Variants in PLD5 observed in about 807,000 individuals in gnomAD.
PLD5 encodes the protein phospholipase D family member 5.
Under a neutral mutation model 61.1 loss-of-function variants are expected in PLD5, and 36 were observed. The observed-to-expected ratio is 0.59, with a 90% CI of 0.45 to 0.78. The LOEUF is 0.78. PLD5 is among the 30% of genes least tolerant of loss of function. The pLI, the probability that PLD5 is intolerant of heterozygous loss-of-function variation, is 0.00. For synonymous variants in PLD5, 243 were observed against 242.8 expected, an observed-to-expected ratio of 1.00 and a Z score of -0.01; for missense variants, 515 against 644.4, an observed-to-expected ratio of 0.80 and a Z score of 2.17.
chr1:242,298,279 T>G (rs1275790597), intron 2 of PLD5, among the ~76,000 whole-genome samples: 2 of 152,232 alleles, frequency 1.3e-5, no homozygotes, highest in East Asian at 3.9e-4. Context: ...AACTATGGTT[T>G]GTTTTCGGAG....
intron 5 of PLD5, among the ~76,000 whole-genome samples, chr1:242,158,678 G>T (rs979160286): frequency 2.0e-5 from 3 of 152,098 alleles, no homozygotes; most frequent in Admixed American, 6.6e-5. Flanking sequence ...AGATGAAACA[G>T]GTAACTCAGT....
chr1:242,105,502 G>T (rs1660983241), intron 8 of PLD5, among the ~76,000 whole-genome samples: 1 of 152,210 alleles, frequency 6.6e-6, no homozygotes, highest in African/African-American at 2.4e-5. Flanking sequence ...GGGATTATAG[G>T]CGTGAGCCAC....
intron 1 of PLD5, among the ~76,000 whole-genome samples, chr1:242,352,271 G>A (rs1398244369): frequency 6.6e-6 from 1 of 152,114 alleles, no homozygotes; most frequent in Admixed American, 6.5e-5. Flanking sequence ...AACTGCAATT[G>A]TTTTATATTC....
Position 242,089,551 on chromosome 1 carries a change from G to A in PLD5, c.*303C>T. On this transcript the variant is annotated 3_prime_UTR_variant, in exon 10 of 10. Coordinates refer to ENST00000536534, the MANE Select transcript of PLD5 (RefSeq NM_001372062.1). ...TAACAACTGACCGGGTAGGTCAGCA[G>A]AAAAAGTTCTAAAACTAGAAAGGAG... 1.9e-6 allele frequency: 1 copy of A among 518,302 alleles called. No individual in the cohort carries two copies. Among genetic ancestry groups the A allele is most frequent in the Non-Finnish European group, 3.4e-6 (1 of 298,368 alleles). 32.1% of individuals were successfully genotyped at this position (518,302 alleles called of 1,614,324 possible). A position where few individuals can be genotyped will look rare whatever the true frequency, so the allele number is the denominator to read the frequency against.
Position 242,389,729 on chromosome 1 carries a change from C to T in PLD5, c.190-41487G>A, listed in dbSNP as rs565109208. Among the ~76,000 whole-genome samples, 21 of 152,170 alleles carry T rather than the reference C, an allele frequency of 1.4e-4. No homozygotes were observed. The South Asian group carries it at 4.4e-3, about 32-fold the overall frequency. On this transcript the variant is annotated intron_variant, in intron 1 of 9. Transcript: ENST00000536534. ...TTCATCCACTCCAGCAGCCTCTCTACAGTGACCAGACTTAGGATTCATGAG... is the reference window on the plus strand; with the variant it reads ...TTCATCCACTCCAGCAGCCTCTCTATAGTGACCAGACTTAGGATTCATGAG...
Position 242,247,706 on chromosome 1 carries a change from C to T in PLD5, c.607+17631G>A, listed in dbSNP as rs138115495. ...GGGTCCCCTTGGCTAAGAGGGGCTC[C>T]GTTCAGCAGGCTGGGGGGCTTGGGA... On this transcript the variant is annotated intron_variant, in intron 4 of 9. Coordinates refer to ENST00000536534, the MANE Select transcript of PLD5 (RefSeq NM_001372062.1). Among the ~76,000 whole-genome samples the T allele has an allele frequency of 1.7e-3, 257 of 152,290 alleles. 2 individuals carry two copies. Among genetic ancestry groups the T allele is most frequent in the Middle Eastern group, 0.01 (3 of 294 alleles).
intron 4 of PLD5, among the ~76,000 whole-genome samples, chr1:242,258,644 C>A (rs1036277561): frequency 2.0e-5 from 3 of 152,162 alleles, no homozygotes; most frequent in African/African-American, 7.2e-5. Context: ...ATTCAGTCAA[C>A]AAACCATTTA....
At chr1:242,218,317 C>A (rs1332848204) in intron 5 of PLD5, among the ~76,000 whole-genome samples, 2 of 152,202 alleles carry the variant, frequency 1.3e-5, no homozygotes, top group East Asian at 3.8e-4. Context: ...TGCTACTGCA[C>A]ACTTAGACTA....
intron 1 of PLD5, among the ~76,000 whole-genome samples, chr1:242,424,546 GAAA>G (rs11285496): frequency 1.4e-5 from 2 of 141,756 alleles, no homozygotes; most frequent in East Asian, 4.1e-4. Context: ...CTCCCTCATA[GAAA>G]AAAAAAAAAT....
At chr1:242,339,069 T>C (rs1383299707) in intron 2 of PLD5, among the ~76,000 whole-genome samples, 1 of 152,216 alleles carries the variant, frequency 6.6e-6, no homozygotes, top group East Asian at 1.9e-4. Flanking sequence ...TAAACTATTG[T>C]ATCTTCTCTC....
chr1:242,292,482 C>T (rs1202638362), intron 2 of PLD5, among the ~76,000 whole-genome samples: 6 of 152,302 alleles, frequency 3.9e-5, no homozygotes, highest in African/African-American at 7.2e-5. Context: ...TCGCCTTCTT[C>T]GTACTGTCCC....
chr1:242,154,770 C>T (rs1665221122), intron 5 of PLD5, among the ~76,000 whole-genome samples: 1 of 151,952 alleles, frequency 6.6e-6, no homozygotes, highest in Admixed American at 6.6e-5. Context: ...GGATTTTCAC[C>T]TCGATGTTCA....
At chr1:242,100,984 A>G (rs979456100) in intron 8 of PLD5, among the ~76,000 whole-genome samples, 1 of 152,228 alleles carries the variant, frequency 6.6e-6, no homozygotes, top group Middle Eastern at 3.2e-3. Flanking sequence ...AGCGTGCTCA[A>G]CTAGGTATAT....
intron 1 of PLD5, among the ~76,000 whole-genome samples, chr1:242,370,532 T>C (rs903778701): frequency 2.0e-5 from 3 of 152,148 alleles, no homozygotes; most frequent in African/African-American, 7.2e-5. Context: ...ATGGCTGTGT[T>C]TGTGACCCAT....
At chr1:242,457,696 T>C (rs1448274248) in intron 1 of PLD5, among the ~76,000 whole-genome samples, 5 of 152,176 alleles carry the variant, frequency 3.3e-5, no homozygotes, top group Admixed American at 6.5e-5. Flanking sequence ...CGCTAACTCC[T>C]TTACAACAGA....
At chr1:242,160,704 G>T (rs1558287621) in intron 5 of PLD5, among the ~76,000 whole-genome samples, 1 of 151,964 alleles carries the variant, frequency 6.6e-6, no homozygotes, top group Non-Finnish European at 1.5e-5. Flanking sequence ...GGCCAACATG[G>T]TGAAACACCA....
At chr1:242,151,904 G>C (rs1239778144) in intron 5 of PLD5, among the ~76,000 whole-genome samples, 1 of 152,000 alleles carries the variant, frequency 6.6e-6, no homozygotes, top group Non-Finnish European at 1.5e-5. Flanking sequence ...ACAGCACAGA[G>C]AGATTCCTTG....
At chr1:242,476,253 G>A (rs1667592450) in intron 1 of PLD5, among the ~76,000 whole-genome samples, 2 of 152,202 alleles carry the variant, frequency 1.3e-5, no homozygotes, top group Middle Eastern at 6.8e-3. Context: ...TACTCAGGAG[G>A]CTGAAACAGG....
intron 4 of PLD5, among the ~76,000 whole-genome samples, chr1:242,229,669 T>G (rs1671173318): frequency 6.6e-6 from 1 of 152,210 alleles, no homozygotes; most frequent in Non-Finnish European, 1.5e-5. Context: ...ATTTTTATTT[T>G]CATTTGTTTG....
Sources: allele counts gnomAD v4.1 joint callset (sites outside exome capture counted in the v4.1 genomes callset), GRCh38; gene constraint gnomAD v4.1.1; transcripts MANE v1.5; gene names NCBI Gene and HGNC (gene_info 2026-07-23, HGNC 2026-07-21).